Variants in MAGEB6 observed in about 807,000 individuals in gnomAD.
The protein encoded by MAGEB6 is MAGE family member B6.
For missense variants in MAGEB6, 327 were observed against 329.7 expected (o/e 0.99, Z 0.06); for synonymous variants, 128 against 136.2 (o/e 0.94, Z 0.42).
chrX:26,193,791 A>C lies in MAGEB6; in HGVS notation c.-56A>C. ...CGTCACTCTCTCCCATCCAGGTGCC[A>C]GCCTTCCTAGTCTTCCTACCCACAC... On this transcript the variant is annotated 5_prime_UTR_variant, in exon 2 of 2. Transcript: ENST00000379034. The C allele has an allele frequency of 6.2e-6, 7 of 1,124,275 alleles. No homozygotes were observed. Among genetic ancestry groups the C allele is most frequent in the Non-Finnish European group, 8.2e-6 (7 of 849,287 alleles). The allele number at this position is 1,124,275 out of a possible 1,213,427, so 92.7% of individuals were successfully genotyped here.
chrX:26,194,045 G>C lies in MAGEB6; in HGVS notation c.199G>C (p.Val67Leu). 1 of 1,211,905 alleles carries C rather than the reference G, an allele frequency of 8.3e-7. No individual in the cohort carries two copies. The highest frequency in any genetic ancestry group is 1.1e-6 in the Non-Finnish European group (1 of 895,524). The change falls in exon 2 of 2, where the codon GTG becomes CTG. Residue 67 changes from valine to leucine, a missense_variant. Coordinates refer to ENST00000379034, the MANE Select transcript of MAGEB6 (RefSeq NM_173523.2). ...DASIPQESQG[V>L]SPTGSPDAVV... Reference sequence around the variant, plus strand: ...CTCCATTCCTCAGGAGTCTCAGGGAGTGTCACCCACTGGGTCTCCTGATGC... The same window carrying C: ...CTCCATTCCTCAGGAGTCTCAGGGACTGTCACCCACTGGGTCTCCTGATGC...
At chrX:26,193,441 C>A (rs2146880542) in intron 1 of MAGEB6, among the ~76,000 whole-genome samples, 1 of 101,238 alleles carries the variant, frequency 9.9e-6, no homozygotes, top group African/African-American at 3.6e-5. Context: ...TGAGAACATG[C>A]GGTGTTTGGT....
In MAGEB6 at chrX:26,195,040, G is replaced by A. The variant is rs777849369; in HGVS notation, c.1194G>A (p.Glu398=). The A allele has an allele frequency of 1.7e-6, 2 of 1,210,379 alleles. No individual in the cohort carries two copies. The highest frequency in any genetic ancestry group is 2.2e-5 in the Admixed American group (1 of 45,966). Residue 398 remains glutamate (E), a synonymous_variant, in exon 2 of 2, where the codon GAG becomes GAA. Coordinates refer to ENST00000379034, the MANE Select transcript of MAGEB6 (RefSeq NM_173523.2). The part of the protein sequence containing the change: ...PHLYEDALID[E]VERALRLRA ...TGTATGAAGACGCTTTGATAGATGA[G>A]GTAGAGAGAGCATTGAGACTGAGAG...
chrX:26,194,478 A>C lies in MAGEB6; in HGVS notation c.632A>C (p.Glu211Ala). The C allele has an allele frequency of 2.5e-6, 3 of 1,212,186 alleles. No homozygotes were observed. The highest frequency in any genetic ancestry group is 3.3e-6 in the Non-Finnish European group (3 of 895,644). The change falls in exon 2 of 2, where the codon GAG becomes GCG. Residue 211 changes from glutamate (E) to alanine (A), a missense_variant. Physicochemically the swap from Glu to Ala is moderately radical, Grantham distance 107 (BLOSUM62 -1). Transcript: ENST00000379034. ...TLAQFLQKKF[E>A]KKESILKADM... is the part of the protein sequence containing the mutation. ...GCGCAATTCCTGCAGAAGAAGTTTG[A>C]GAAGAAAGAGTCCATTTTGAAGGCA...
Position 26,194,651 on chromosome X carries a change from G to C in MAGEB6, c.805G>C (p.Gly269Arg). Reference protein sequence around the residue: ...GESYTLVSKLGLPSEGILSGD... With the variant: ...GESYTLVSKLRLPSEGILSGD... ...GTCCTACACCCTTGTCAGCAAGCTA[G>C]GCCTCCCCAGTGAAGGAATTCTGAG... Residue 269 changes from glycine (G) to arginine (R), a missense_variant, in exon 2 of 2, where the codon GGC (glycine) becomes CGC (arginine). Coordinates refer to ENST00000379034, the MANE Select transcript of MAGEB6 (RefSeq NM_173523.2). 8.3e-7 allele frequency: 1 copy of C among 1,211,456 alleles called. No individual in the cohort carries two copies.
chrX:26,194,900 C>T lies in MAGEB6; in HGVS notation c.1054C>T (p.Pro352Ser), dbSNP rs1413833390. ...TTACCGGCAGGTGTGCAACAGTGAT[C>T]CTCCATGCTATGAGTTCCTGTGGGG... ...VVYRQVCNSD[P>S]PCYEFLWGPR... Residue 352 changes from proline (P) to serine (S), a missense_variant, in exon 2 of 2, where the codon CCT (proline) becomes TCT (serine). Coordinates refer to ENST00000379034, the MANE Select transcript of MAGEB6 (RefSeq NM_173523.2). 2 of 1,209,606 alleles carry T rather than the reference C, an allele frequency of 1.7e-6. No homozygotes were observed. Among genetic ancestry groups the T allele is most frequent in the African/African-American group, 3.5e-5 (2 of 56,972 alleles).
At chrX:26,192,596 G>A (rs1253326028) in intron 1 of MAGEB6, 69 bp downstream of exon 1, 2 of 111,602 alleles carry the variant, frequency 1.8e-5, no homozygotes, top group Non-Finnish European at 3.8e-5. Flanking sequence ...GAAGAAAGGC[G>A]GCTCCACAGA....
At position 26,194,355 on chromosome X, in the gene MAGEB6, C is replaced by G. The variant is rs772038632; in HGVS notation, c.509C>G (p.Ala170Gly). The G allele has an allele frequency of 8.3e-7, 1 of 1,212,070 alleles. No individual in the cohort carries two copies. The highest frequency in any genetic ancestry group is 1.8e-5 in the South Asian group (1 of 57,001). The change falls in exon 2 of 2, where the codon GCC becomes GGC. Residue 170 changes from alanine (A) to glycine (G), a missense_variant. Ala to Gly is a moderately conservative substitution (Grantham distance 60, BLOSUM62 0). Coordinates refer to ENST00000379034, the MANE Select transcript of MAGEB6 (RefSeq NM_173523.2). The stretch of plus-strand genomic sequence containing the variant: ...TCAGGCTCAAAATATGATGTGGCTG[C>G]CGAGGGTGAAGATGAGGAAAGTGTA... ...GVSGSKYDVA[A>G]EGEDEESVSA...
Position 26,194,055 on chromosome X carries a change from C to G in MAGEB6, c.209C>G (p.Thr70Ser). ...CAGGAGTCTCAGGGAGTGTCACCCA[C>G]TGGGTCTCCTGATGCAGTTGTTTCA... ...IPQESQGVSPTGSPDAVVSYS... is the reference protein window; with the variant it reads ...IPQESQGVSPSGSPDAVVSYS... The change falls in exon 2 of 2, where the codon ACT becomes AGT. Residue 70 changes from threonine to serine, a missense_variant. Coordinates refer to ENST00000379034, the MANE Select transcript of MAGEB6 (RefSeq NM_173523.2). The G allele has an allele frequency of 8.3e-7, 1 of 1,211,877 alleles. No individual in the cohort carries two copies. The highest frequency in any genetic ancestry group is 1.1e-6 in the Non-Finnish European group (1 of 895,539).
Position 26,194,880 on chromosome X carries a change from G to A in MAGEB6, c.1034G>A (p.Arg345Gln), listed in dbSNP as rs760719328. Residue 345 changes from arginine (R) to glutamine (Q), a missense_variant, in exon 2 of 2, where the codon CGG becomes CAG. By Grantham distance (43) the Arg-to-Gln change is conservative. Transcript: ENST00000379034. ...GTGCAAGATAAGTACGTGGTTTACC[G>A]GCAGGTGTGCAACAGTGATCCTCCA... The part of the protein sequence containing the change: ...DLVQDKYVVY[R>Q]QVCNSDPPCY... 62 of 1,209,364 alleles carry A rather than the reference G, an allele frequency of 5.1e-5. No homozygotes were observed. The highest frequency in any genetic ancestry group is 3.0e-4 in the South Asian group (17 of 56,721).
chrX:26,195,168 T>G lies in MAGEB6; in HGVS notation c.*98T>G, dbSNP rs1227601256. On this transcript the variant is annotated 3_prime_UTR_variant, in exon 2 of 2. Coordinates refer to ENST00000379034, the MANE Select transcript of MAGEB6 (RefSeq NM_173523.2). ...GGAGGTCTGAAGTAGAATTTTCACT[T>G]TATGTTAGAAGAGAGTAGTGAGCTT... The G allele has an allele frequency of 3.9e-6, 4 of 1,034,291 alleles. No individual in the cohort carries two copies. The highest frequency in any genetic ancestry group is 5.2e-6 in the Non-Finnish European group (4 of 762,540). The allele number at this position is 1,034,291 out of a possible 1,213,427, so 85.2% of individuals were successfully genotyped here.
intron 1 of MAGEB6, among the ~76,000 whole-genome samples, chrX:26,193,102 T>C (rs1426058981): frequency 9.0e-6 from 1 of 111,420 alleles, no homozygotes; most frequent in East Asian, 2.8e-4. Context: ...GAATGAAGTG[T>C]TGGGCAGAAG....
At chrX:26,193,655 CA>C in intron 1 of MAGEB6, 130 bp from the exon 2 acceptor site, 2 of 372,601 alleles carry the variant, frequency 5.4e-6, no homozygotes, top group Non-Finnish European at 9.1e-6. Context: ...ACAAACTGAC[CA>C]GGAGAAAAGG....
Position 26,193,985 on chromosome X carries a change from G to A in MAGEB6, c.139G>A (p.Ala47Thr), listed in dbSNP as rs369371623. ...CCACTCTTCCTCATCCTCTTCTCGC[G>A]CTTGTCTGGGTGATTGTCGTAGGTC... Reference protein sequence around the residue: ...ESHSSSSSSRACLGDCRRSSD... With the variant: ...ESHSSSSSSRTCLGDCRRSSD... The change falls in exon 2 of 2, where the codon GCT becomes ACT. Residue 47 changes from alanine to threonine, a missense_variant. By Grantham distance (58) the Ala-to-Thr change is moderately conservative. Coordinates refer to ENST00000379034, the MANE Select transcript of MAGEB6 (RefSeq NM_173523.2). The A allele has an allele frequency of 9.9e-6, 12 of 1,209,976 alleles. No homozygotes were observed. The Admixed American group carries it at 1.1e-4, about 11-fold the overall frequency.
chrX:26,195,202 G>A lies in MAGEB6; in HGVS notation c.*132G>A. The A allele has an allele frequency of 2.7e-6, 2 of 752,898 alleles. No homozygotes were observed. The highest frequency in any genetic ancestry group is 1.9e-6 in the Non-Finnish European group (1 of 518,934). 62.0% of individuals were successfully genotyped at this position (752,898 alleles called of 1,213,427 possible). On this transcript the variant is annotated 3_prime_UTR_variant, in exon 2 of 2. Coordinates refer to ENST00000379034, the MANE Select transcript of MAGEB6 (RefSeq NM_173523.2). ...AAGAGAGTAGTGAGCTTTCTAAGTA[G>A]TGCAGTATAGTAGAGGCTGGAGGGA...
chrX:26,194,794 A>T lies in MAGEB6; in HGVS notation c.948A>T (p.Ile316=). The T allele has an allele frequency of 8.3e-7, 1 of 1,211,519 alleles. No individual in the cohort carries two copies. The highest frequency in any genetic ancestry group is 2.2e-5 in the Admixed American group (1 of 45,992). The change falls in exon 2 of 2, where the codon ATA becomes ATT. Residue 316 remains isoleucine (I), a synonymous_variant. Coordinates refer to ENST00000379034, the MANE Select transcript of MAGEB6 (RefSeq NM_173523.2). ...EVWEFLGLLG[I]YDGILHSIYG... is the part of the protein sequence containing the mutation. ...GGGAGTTCCTGGGTCTGTTGGGGAT[A>T]TATGATGGGATCCTGCATTCAATCT...
At chrX:26,193,281 G>T (rs1268233473) in intron 1 of MAGEB6, among the ~76,000 whole-genome samples, 3 of 106,844 alleles carry the variant, frequency 2.8e-5, no homozygotes, top group Non-Finnish European at 5.8e-5. Flanking sequence ...TGCCATGCTG[G>T]TGTGCTGCAC....
rs1929176601 is a variant in MAGEB6, at chrX:26,195,077, G to A, written c.*7G>A. 2.5e-6 allele frequency: 3 copies of A among 1,199,418 alleles called. No individual in the cohort carries two copies. The African/African-American group carries it at 5.3e-5, about 21-fold the overall frequency. On this transcript the variant is annotated 3_prime_UTR_variant, in exon 2 of 2. Transcript: ENST00000379034. ...ATTGAGACTGAGAGCTTAAGGCAGG[G>A]CTGGCACTATTTCCTTGGCCAGGGT...
rs769300202 is a variant in MAGEB6, at chrX:26,193,817, TC to T, written c.-28del. The T allele has an allele frequency of 4.3e-5, 49 of 1,144,491 alleles. No individual in the cohort carries two copies. The highest frequency in any genetic ancestry group is 5.5e-5 in the Non-Finnish European group (48 of 864,966). The allele number at this position is 1,144,491 out of a possible 1,213,427, so 94.3% of individuals were successfully genotyped here. ...GCCTTCCTAGTCTTCCTACCCACAC[TC>T]CTACCTGCTGTCACAGGCCACAGCC... On this transcript the variant is annotated 5_prime_UTR_variant, in exon 2 of 2. Transcript: ENST00000379034.
Sources: allele counts gnomAD v4.1 joint callset (sites outside exome capture counted in the v4.1 genomes callset), GRCh38; gene constraint gnomAD v4.1.1; transcripts MANE v1.5; gene names NCBI Gene and HGNC (gene_info 2026-07-23, HGNC 2026-07-21).